The following MORN4 variants were observed in gnomAD, a reference collection of about 807,000 sequenced individuals.
The protein encoded by MORN4 is MORN repeat containing 4.
Under a neutral mutation model 16.4 loss-of-function variants are expected in MORN4, and 8 were observed. The observed-to-expected ratio is 0.49, with a 90% confidence interval of 0.29 to 0.88. The LOEUF is 0.88. Ranked by LOEUF, MORN4 falls within the 40% of genes least tolerant of loss-of-function variation. The pLI, the probability that MORN4 is intolerant of heterozygous loss-of-function variation, is 0.09. For missense variants in MORN4, 159 were observed against 182.9 expected, an observed-to-expected ratio of 0.87 and a Z score of 0.75; for synonymous variants, 53 against 68.9, an observed-to-expected ratio of 0.77 and a Z score of 1.14.
intron 2 of MORN4, among the ~76,000 whole-genome samples, chr10:97,618,249 G>A (rs1490732514): frequency 6.8e-6 from 1 of 146,384 alleles, no homozygotes; most frequent in African/African-American, 2.5e-5. Flanking sequence ...CTATGTGCCA[G>A]CCTCTCTTCT....
rs2041244258 is a variant in MORN4, at chr10:97,617,240, G to A, written c.150C>T (p.Gly50=). 3.1e-6 allele frequency: 5 copies of A among 1,614,070 alleles called. No homozygotes were observed. The highest frequency in any genetic ancestry group is 4.2e-6 in the Non-Finnish European group (5 of 1,179,996). ...CATCTGAGAAGGTCAATACCCCAAA[G>A]CCATTAAAGAGCCCATTCTCAAAAT... The part of the protein sequence containing the change: ...LGHFENGLFN[G]FGVLTFSDGS... Residue 50 remains glycine (G), a synonymous_variant, in exon 3 of 5, where the codon GGC becomes GGT. Coordinates refer to ENST00000307450, the MANE Select transcript of MORN4 (RefSeq NM_178832.4).
At chr10:97,624,774 A>C (rs184630348) in intron 1 of MORN4, among the ~76,000 whole-genome samples, 1 of 152,090 alleles carries the variant, frequency 6.6e-6, no homozygotes, top group East Asian at 1.9e-4. Context: ...GCTGGAGTGC[A>C]ATGGCGCGAT....
intron 1 of MORN4, among the ~76,000 whole-genome samples, chr10:97,621,791 G>A (rs1007774071): frequency 2.6e-5 from 4 of 152,114 alleles, no homozygotes; most frequent in African/African-American, 9.7e-5. Context: ...CTTGAACTCG[G>A]GAGGCAGAGG....
intron 1 of MORN4, among the ~76,000 whole-genome samples, chr10:97,620,404 C>T (rs2041278061): frequency 6.9e-6 from 1 of 144,852 alleles, no homozygotes; most frequent in East Asian, 2.1e-4. Flanking sequence ...GGGAGAATCA[C>T]TTAAACCCGG....
intron 1 of MORN4, among the ~76,000 whole-genome samples, chr10:97,630,417 C>T (rs546262991): frequency 3.3e-5 from 5 of 152,298 alleles, no homozygotes; most frequent in Admixed American, 2.0e-4. Flanking sequence ...TGTTATACAG[C>T]AATAATAACT....
At chr10:97,633,636 A>G (rs2041417518), upstream of MORN4, 2 of 1,283,602 alleles carry the variant, frequency 1.6e-6, no homozygotes, top group Admixed American at 4.6e-5. The surrounding 1 kb of genome is among the most constrained non-coding windows in gnomAD (Gnocchi z 4.5). Context: ...TATGTGAAAG[A>G]GGGGTGGTCC....
rs1490629004 is a variant in MORN4, at chr10:97,633,368, G to A, written c.-52C>T. 4.7e-6 allele frequency: 6 copies of A among 1,289,752 alleles called. No homozygotes were observed. Among genetic ancestry groups the A allele is most frequent in the Non-Finnish European group, 6.1e-6 (6 of 988,916 alleles). The allele number at this position is 1,289,752 out of a possible 1,614,324, so 79.9% of individuals were successfully genotyped here. A position where few individuals can be genotyped will look rare whatever the true frequency, so the allele number is the denominator to read the frequency against. On this transcript the variant is annotated 5_prime_UTR_variant, in exon 1 of 5. Coordinates refer to ENST00000307450, the MANE Select transcript of MORN4 (RefSeq NM_178832.4). The surrounding 1 kb of genome is among the most constrained non-coding windows in gnomAD (Gnocchi z 4.5). ...CAACCTGGGGCCGGCCTTTCGGGAT[G>A]ACCGTCACGCCTGGACGCAGGGTTC...
intron 1 of MORN4, 106 bp from the exon 2 acceptor site, chr10:97,619,789 T>A: frequency 1.2e-6 from 1 of 824,444 alleles, no homozygotes; most frequent in Non-Finnish European, 2.0e-6. Flanking sequence ...CTGGTAAGTG[T>A]ACACTGCCTT....
rs1424377070 is a variant in MORN4 at position 97,615,686 on chromosome 10, C to G, written c.*577G>C. The G allele has an allele frequency of 6.6e-6, 1 of 151,966 alleles. No individual in the cohort carries two copies. The highest frequency in any genetic ancestry group is 1.5e-5 in the Non-Finnish European group (1 of 68,004). 9.4% of individuals were successfully genotyped at this position (151,966 alleles called of 1,614,324 possible). A position where few individuals can be genotyped will look rare whatever the true frequency, so the allele number is the denominator to read the frequency against. On this transcript the variant is annotated 3_prime_UTR_variant, in exon 5 of 5. Transcript: ENST00000307450. Reference sequence around the variant, plus strand: ...GTTGCAGTGAGCTGAGATCATGCCACTGCACTCTAGCCTGGGCGAGAGTAA... The same window carrying G: ...GTTGCAGTGAGCTGAGATCATGCCAGTGCACTCTAGCCTGGGCGAGAGTAA...
chr10:97,632,872 C>T (rs12244596), intron 1 of MORN4, among the ~76,000 whole-genome samples: 3,223 of 152,102 alleles, frequency 0.021, 141 homozygotes, highest in East Asian at 0.13. Context: ...TGCTAGAATG[C>T]AGGGATACCA....
At chr10:97,624,232 T>A (rs2135739435) in intron 1 of MORN4, among the ~76,000 whole-genome samples, 1 of 152,306 alleles carries the variant, frequency 6.6e-6, no homozygotes, top group Non-Finnish European at 1.5e-5. Context: ...AAACAACCCA[T>A]ATGTTAAATT....
At chr10:97,621,245 C>G (rs1217607079) in intron 1 of MORN4, among the ~76,000 whole-genome samples, 1 of 152,122 alleles carries the variant, frequency 6.6e-6, no homozygotes, top group East Asian at 1.9e-4. Flanking sequence ...TGACAGCCTC[C>G]CCTGACTATG....
At position 97,620,507 on chromosome 10, in the gene MORN4, AG is replaced by A. The variant is rs146947428; in HGVS notation, c.-30-825del. Among the ~76,000 whole-genome samples, 279 of 98,050 alleles carry A rather than the reference AG, an allele frequency of 2.8e-3. 4 individuals are homozygous for A. Among genetic ancestry groups the A allele is most frequent in the African/African-American group, 9.1e-3 (209 of 22,988 alleles). The allele number at this position is 98,050 out of a possible 152,430, so 64.3% of individuals were successfully genotyped here. A position where few individuals can be genotyped will look rare whatever the true frequency, so the allele number is the denominator to read the frequency against. On this transcript the variant is annotated intron_variant, in intron 1 of 4. Transcript: ENST00000307450. ...CTGTCTCAAAAAAAAAAAAAAAAAA[AG>A]AAAAAAAAAAGAAAATATGGGGAAC...
At position 97,630,358 on chromosome 10, in the gene MORN4, C is replaced by T. The variant is rs560358130; in HGVS notation, c.-31+2989G>A. Among the ~76,000 whole-genome samples, 19 of 152,224 alleles carry T rather than the reference C, an allele frequency of 1.2e-4. No individual in the cohort carries two copies. The East Asian group carries it at 2.1e-3, about 17-fold the overall frequency. On this transcript the variant is annotated intron_variant, in intron 1 of 4. Coordinates refer to ENST00000307450, the MANE Select transcript of MORN4 (RefSeq NM_178832.4). ...CTGGGATTACAGGCATGAGCCACCGCGCCTGGCCACAGTATGGGTGTTTTA... is the reference window on the plus strand; with the variant it reads ...CTGGGATTACAGGCATGAGCCACCGTGCCTGGCCACAGTATGGGTGTTTTA...
At chr10:97,618,216 CAT>C (rs147124813) in intron 2 of MORN4, among the ~76,000 whole-genome samples, 1,501 of 149,612 alleles carry the variant, frequency 0.01, 20 homozygotes, top group African/African-American at 0.019. Context: ...CAATTGCTAA[CAT>C]GTGTATTTAT....
chr10:97,628,517 A>T (rs1489662241), intron 1 of MORN4, among the ~76,000 whole-genome samples: 1 of 151,590 alleles, frequency 6.6e-6, no homozygotes, highest in Non-Finnish European at 1.5e-5. Context: ...CAAGTGGTAC[A>T]CCTAACCACT....
At position 97,630,186 on chromosome 10, in the gene MORN4, C is replaced by G. The variant is rs533860049; in HGVS notation, c.-31+3161G>C. Among the ~76,000 whole-genome samples, 37 of 152,240 alleles carry G rather than the reference C, an allele frequency of 2.4e-4. No homozygotes were observed. The East Asian group carries it at 5.4e-3, about 22-fold the overall frequency. ...TTGTGATCCGCCTGCCTCAGCCTCC[C>G]GAAGTGCTGGGATTACAGGCATGAG... On this transcript the variant is annotated intron_variant, in intron 1 of 4. Coordinates refer to ENST00000307450, the MANE Select transcript of MORN4 (RefSeq NM_178832.4).
chr10:97,632,875 G>T (rs181287156), intron 1 of MORN4, among the ~76,000 whole-genome samples: 4 of 152,046 alleles, frequency 2.6e-5, no homozygotes, highest in African/African-American at 9.7e-5. Context: ...TAGAATGCAG[G>T]GATACCACCC....
chr10:97,633,696 G>A (rs2041418178), upstream of MORN4: 3 of 1,196,814 alleles, frequency 2.5e-6, no homozygotes, highest in Non-Finnish European at 3.2e-6. The surrounding 1 kb of genome is among the most constrained non-coding windows in gnomAD (Gnocchi z 4.5). Flanking sequence ...GGCCTACCCA[G>A]AGGCCGTCTA....
Sources: allele counts gnomAD v4.1 joint callset (sites outside exome capture counted in the v4.1 genomes callset), GRCh38; gene constraint gnomAD v4.1.1; non-coding constraint Gnocchi (gnomAD v3.1); transcripts MANE v1.5; gene names NCBI Gene and HGNC (gene_info 2026-07-23, HGNC 2026-07-21).